ADNP2: variants seen among roughly 807,000 people sequenced by gnomAD.
ADNP2 encodes activity-dependent neuroprotector homeobox protein 2.
A neutral mutation model predicts 16.4 loss-of-function variants in ADNP2; 8 were observed. The observed-to-expected ratio is 0.49, with a 90% confidence interval of 0.29 to 0.88. The LOEUF (loss-of-function observed/expected upper bound fraction) is 0.88. Ranked by LOEUF, ADNP2 falls within the 40% of genes least tolerant of loss-of-function variation. The pLI is 0.09. For missense variants in ADNP2, 1,397 were observed against 1,395.1 expected (o/e 1.00, Z -0.02); for synonymous variants, 637 against 545.8 (o/e 1.17, Z -2.33).
intron 1 of ADNP2, among the ~76,000 whole-genome samples, chr18:80,110,389 G>C (rs2052350151): frequency 6.6e-6 from 1 of 152,164 alleles, no homozygotes. Context: ...CTGCCTCTTG[G>C]GATCTTGAGG....
At position 80,136,466 on chromosome 18, in the gene ADNP2, A is replaced by G. The variant is rs749916725; in HGVS notation, c.1053A>G (p.Ala351=). 31 of 1,613,992 alleles carry G rather than the reference A, an allele frequency of 1.9e-5. No individual in the cohort carries two copies. Among genetic ancestry groups the G allele is most frequent in the Non-Finnish European group, 2.6e-5 (31 of 1,179,976 alleles). Residue 351 remains alanine (A), a synonymous_variant, in exon 4 of 4, where the codon GCA becomes GCG. Coordinates refer to ENST00000262198, the MANE Select transcript of ADNP2 (RefSeq NM_014913.4). ...ACAGCCTCACCCTGCAGCCCCCAGCACCTCAGCCCGTCTTTCTTTCTCACG... is the reference window on the plus strand; with the variant it reads ...ACAGCCTCACCCTGCAGCCCCCAGCGCCTCAGCCCGTCTTTCTTTCTCACG... ...GQNSLTLQPP[A]PQPVFLSHGV... is the part of the protein sequence containing the mutation.
intron 1 of ADNP2, among the ~76,000 whole-genome samples, chr18:80,111,289 T>C (rs1487177341): frequency 6.6e-6 from 1 of 152,202 alleles, no homozygotes; most frequent in East Asian, 1.9e-4. Flanking sequence ...ACTCAGTGCT[T>C]ATGTGCTGTT....
chr18:80,121,009 T>A (rs905291643), intron 2 of ADNP2, among the ~76,000 whole-genome samples: 2 of 152,222 alleles, frequency 1.3e-5, no homozygotes, highest in Non-Finnish European at 1.5e-5. Flanking sequence ...AGGAGTGGAA[T>A]TTTTGGGTCA....
chr18:80,122,931 G>A (rs1047931941), intron 2 of ADNP2, among the ~76,000 whole-genome samples: 1 of 152,068 alleles, frequency 6.6e-6, no homozygotes, highest in African/African-American at 2.4e-5. Flanking sequence ...TGAATATGAT[G>A]TTAATGGGTT....
Position 80,138,636 on chromosome 18 carries a change from C to T in ADNP2, c.3223C>T (p.Leu1075=). Residue 1075 remains leucine (L), a synonymous_variant, in exon 4 of 4, where the codon CTG becomes TTG. Transcript: ENST00000262198. ...KPYPSKKEIE[L]LSSLFWVWKI... ...ATATCCTAGTAAAAAGGAAATAGAACTGTTGTCCTCACTCTTTTGGGTGTG... is the reference window on the plus strand; with the variant it reads ...ATATCCTAGTAAAAAGGAAATAGAATTGTTGTCCTCACTCTTTTGGGTGTG... The T allele has an allele frequency of 6.2e-7, 1 of 1,610,672 alleles. No homozygotes were observed.
chr18:80,123,156 C>T (rs997067971), intron 2 of ADNP2, among the ~76,000 whole-genome samples: 37 of 151,974 alleles, frequency 2.4e-4, no homozygotes, highest in African/African-American at 8.5e-4. Flanking sequence ...CCTTTGCATT[C>T]TTGGGATGGA....
At chr18:80,130,405 A>G (rs1260806898) in intron 2 of ADNP2, among the ~76,000 whole-genome samples, 1 of 152,184 alleles carries the variant, frequency 6.6e-6, no homozygotes, top group Non-Finnish European at 1.5e-5. Flanking sequence ...TGCACTTTTA[A>G]ATAAGTGAGC....
At chr18:80,114,705 A>C (rs1000191065) in intron 1 of ADNP2, among the ~76,000 whole-genome samples, 1 of 152,178 alleles carries the variant, frequency 6.6e-6, no homozygotes, top group Non-Finnish European at 1.5e-5. Flanking sequence ...TTATTTAAGA[A>C]GCGCATCAGT....
Position 80,136,491 on chromosome 18 carries a change from G to T in ADNP2, c.1078G>T (p.Gly360Trp). The T allele has an allele frequency of 1.2e-6, 2 of 1,614,114 alleles. No homozygotes were observed. Among genetic ancestry groups the T allele is most frequent in the Non-Finnish European group, 1.7e-6 (2 of 1,180,026 alleles). Residue 360 changes from glycine to tryptophan, a missense_variant, in exon 4 of 4, where the codon GGG (glycine) becomes TGG (tryptophan). Gly to Trp is a radical substitution (Grantham distance 184). Transcript: ENST00000262198. ...PAPQPVFLSH[G>W]VPLHQSVNPP... ...ACCTCAGCCCGTCTTTCTTTCTCAC[G>T]GGGTTCCACTTCATCAGTCTGTGAA... is the stretch of plus-strand genomic sequence containing the variant.
Position 80,135,917 on chromosome 18 carries a change from C to T in ADNP2, c.504C>T (p.Tyr168=), listed in dbSNP as rs118035298. ...GTAACTTTTCAAACACTTTGTACTACAGCATGAAGAAGCATGTGCTGGTAG... is the reference window on the plus strand; with the variant it reads ...GTAACTTTTCAAACACTTTGTACTATAGCATGAAGAAGCATGTGCTGGTAG... ...LKCNFSNTLY[Y]SMKKHVLVAH... Residue 168 remains tyrosine, a synonymous_variant, in exon 4 of 4, where the codon TAC becomes TAT. Transcript: ENST00000262198. 5.3e-4 allele frequency: 854 copies of T among 1,614,206 alleles called. 10 individuals are homozygous for T. In the East Asian group the frequency reaches 0.015, roughly 29 times the overall value.
Position 80,135,619 on chromosome 18 carries a change from G to A in ADNP2, c.206G>A (p.Arg69Gln), listed in dbSNP as rs752046762. The part of the protein sequence containing the change: ...WEPSGKKVRY[R>Q]TKPYCCGLCK... The stretch of plus-strand genomic sequence containing the variant: ...TTTCTTTTCTTTTAACAGAGATATC[G>A]AACAAAGCCATACTGTTGTGGCCTC... Residue 69 changes from arginine to glutamine, a missense_variant, in exon 4 of 4, where the codon CGA becomes CAA. Physicochemically the swap from Arg to Gln is conservative, Grantham distance 43. Around this residue, in one of 3 missense-constraint regions of ADNP2, gnomAD observed 777 missense variants for 719.4 expected, o/e 1.08. Transcript: ENST00000262198. 19 of 1,608,756 alleles carry A rather than the reference G, an allele frequency of 1.2e-5. No homozygotes were observed. The highest frequency in any genetic ancestry group is 5.9e-6 in the Non-Finnish European group (7 of 1,176,812).
At chr18:80,114,843 G>A (rs927808119) in intron 1 of ADNP2, among the ~76,000 whole-genome samples, 2 of 152,074 alleles carry the variant, frequency 1.3e-5, no homozygotes, top group African/African-American at 4.8e-5. Context: ...ATCCTCAAGA[G>A]GCATCTTCAC....
intron 3 of ADNP2, among the ~76,000 whole-genome samples, chr18:80,135,334 A>T (rs2052524665): frequency 6.6e-6 from 1 of 152,272 alleles, no homozygotes; most frequent in South Asian, 2.1e-4. Flanking sequence ...ATAAAGTTTT[A>T]TTGGAACATA....
intron 2 of ADNP2, among the ~76,000 whole-genome samples, chr18:80,126,787 T>C (rs2052461827): frequency 6.6e-6 from 1 of 152,226 alleles, no homozygotes; most frequent in Admixed American, 6.5e-5. Context: ...AACTAGTTTT[T>C]CTTCCCCTCA....
chr18:80,110,494 A>G (rs1191995308), intron 1 of ADNP2, among the ~76,000 whole-genome samples: 1 of 152,036 alleles, frequency 6.6e-6, no homozygotes, highest in East Asian at 1.9e-4. Context: ...CAGTTTGTAG[A>G]GTACTGTGGG....
intron 2 of ADNP2, among the ~76,000 whole-genome samples, chr18:80,129,073 A>AT (rs1051845230): frequency 2.8e-5 from 4 of 140,868 alleles, no homozygotes; most frequent in Admixed American, 7.0e-5. Flanking sequence ...CCATACTCAG[A>AT]TTTCTTCAGT....
At position 80,136,271 on chromosome 18, in the gene ADNP2, A is replaced by G. The variant is rs758162870; in HGVS notation, c.858A>G (p.Pro286=). The G allele has an allele frequency of 4.3e-6, 7 of 1,613,808 alleles. No individual in the cohort carries two copies. In the South Asian group the frequency reaches 6.6e-5, roughly 15 times the overall value. ...CAAATGGCAGTGCTCCAAGCGCTCC[A>G]GCGCAGCCTCCTTGCTTCCATCTTG... ...APANGSAPSA[P]AQPPCFHLAL... The change falls in exon 4 of 4, where the codon CCA becomes CCG. Residue 286 remains proline, a synonymous_variant. Transcript: ENST00000262198.
At chr18:80,111,211 T>C (rs2052354867) in intron 1 of ADNP2, among the ~76,000 whole-genome samples, 1 of 152,226 alleles carries the variant, frequency 6.6e-6, no homozygotes, top group Non-Finnish European at 1.5e-5. Context: ...TAAAGTTGCT[T>C]TTTAAAAAGT....
intron 2 of ADNP2, among the ~76,000 whole-genome samples, chr18:80,125,512 G>A (rs529408703): frequency 6.6e-6 from 1 of 152,206 alleles, no homozygotes; most frequent in South Asian, 2.1e-4. Context: ...GCTTGGTGGC[G>A]GGTGCCTGTA....
Sources: gnomAD v4.1 joint callset for allele counts (sites outside exome capture counted in the v4.1 genomes callset) on GRCh38, gnomAD v4.1.1 for gene constraint, gnomAD v4.1.1 regional missense constraint, MANE v1.5 for transcripts, NCBI Gene and HGNC (gene_info 2026-07-23, HGNC 2026-07-21) for gene names.